TYMP: variants seen among roughly 807,000 people sequenced by gnomAD.
TYMP encodes thymidine phosphorylase.
A neutral mutation model predicts 42.3 loss-of-function variants in TYMP; 46 were observed. The ratio of observed to expected loss-of-function variants is 1.09; its 90% CI spans 0.86 to 1.39. TYMP has a LOEUF of 1.39. Ranked by LOEUF, TYMP falls within the 40% of genes most tolerant of loss-of-function variation. TYMP has a pLI of 0.00. For missense variants in TYMP, 837 were observed against 677.6 expected, an observed-to-expected ratio of 1.24 and a Z score of -2.61; for synonymous variants, 363 against 308.0, an observed-to-expected ratio of 1.18 and a Z score of -1.87.
chr22:50,527,844 C>T (rs2069453114), intron 4 of TYMP, 127 bp from the exon 5 acceptor site: 5 of 1,276,438 alleles, frequency 3.9e-6, no homozygotes, highest in African/African-American at 1.6e-5. Flanking sequence ...GGCACAATTT[C>T]GGCTCATTGT....
Position 50,527,294 on chromosome 22 carries a change from G to A in TYMP, c.647-11C>T. The A allele has an allele frequency of 6.2e-7, 1 of 1,601,130 alleles. No homozygotes were observed. On this transcript the variant is annotated splice_polypyrimidine_tract_variant and intron_variant, in intron 5 of 9. Transcript: ENST00000252029. ...TACTGAGAATGGAGGCTTTGGGGGAGGCAGAGGAGGTTGGAGACAATGGAG... is the reference window on the plus strand; with the variant it reads ...TACTGAGAATGGAGGCTTTGGGGGAAGCAGAGGAGGTTGGAGACAATGGAG...
rs1291691782 is a variant in TYMP at position 50,526,083 on chromosome 22, G to A, written c.1218C>T (p.Ala406=). ...GCGGCTCCCCAGCGCGGCTGCGCCC[G>A]GCCCCGAGCTCGTGCAGCACCAGCG... ...PLALVLHELG[A]GRSRAGEPLR... Residue 406 remains alanine, a synonymous_variant, in exon 9 of 10, where the codon GCC becomes GCT. Coordinates refer to ENST00000252029, the MANE Select transcript of TYMP (RefSeq NM_001953.5). 2.0e-6 allele frequency: 3 copies of A among 1,484,066 alleles called. No individual in the cohort carries two copies. The allele number at this position is 1,484,066 out of a possible 1,614,324, so 91.9% of individuals were successfully genotyped here.
In TYMP at chr22:50,529,297, C is replaced by G; in HGVS notation, c.256G>C (p.Glu86Gln). 1 of 1,613,420 alleles carries G rather than the reference C, an allele frequency of 6.2e-7. No homozygotes were observed. Among genetic ancestry groups the G allele is most frequent in the Non-Finnish European group, 8.5e-7 (1 of 1,180,012 alleles). ...GCCTGGGTCAGCACCGAGGTCTCCT[C>G]CAGATCCATGCCCCGAAGTCGGATG... ...MAIRLRGMDL[E>Q]ETSVLTQALA... Residue 86 changes from glutamate to glutamine, a missense_variant, in exon 3 of 10, where the codon GAG (glutamate) becomes CAG (glutamine). By Grantham distance (29) the Glu-to-Gln change is conservative. Transcript: ENST00000252029.
intron 4 of TYMP, 71 bp from the exon 5 acceptor site, chr22:50,527,788 T>TG: frequency 8.3e-7 from 1 of 1,208,268 alleles, no homozygotes; most frequent in Non-Finnish European, 1.2e-6. Flanking sequence ...TTTTTTTTTT[T>TG]TTTCTGTGAA....
In TYMP at chr22:50,529,126, G is replaced by A. The variant is rs974405863; in HGVS notation, c.417+10C>T. 3 of 1,612,754 alleles carry A rather than the reference G, an allele frequency of 1.9e-6. No individual in the cohort carries two copies. The highest frequency in any genetic ancestry group is 1.3e-5 in the African/African-American group (1 of 74,910). ...ATAGGCTCCCGTCTGGAAAGGAGGT[G>A]GTTTCTAACCTTGCAGCCACATGCC... On this transcript the variant is annotated intron_variant, in intron 3 of 9. Transcript: ENST00000252029.
At chr22:50,527,396 T>A (rs756772828) in intron 5 of TYMP, 113 bp from the exon 6 acceptor site, 8 of 1,245,530 alleles carry the variant, frequency 6.4e-6, no homozygotes, top group Non-Finnish European at 9.4e-6. Context: ...GTCAAGTCCC[T>A]TATTATGGGG....
At position 50,529,197 on chromosome 22, in the gene TYMP, C is replaced by A. The variant is rs866018044; in HGVS notation, c.356G>T (p.Gly119Val). 6.2e-7 allele frequency: 1 copy of A among 1,613,344 alleles called. No individual in the cohort carries two copies. Among genetic ancestry groups the A allele is most frequent in the East Asian group, 2.2e-5 (1 of 44,886 alleles). ...RQQLVDKHST[G>V]GVGDKVSLVL... ...CAGGCTGACCTTGTCACCCACACCCCCTGTGGAATGCTTGTCCACAAGCTG... is the reference window on the plus strand; with the variant it reads ...CAGGCTGACCTTGTCACCCACACCCACTGTGGAATGCTTGTCCACAAGCTG... The change falls in exon 3 of 10, where the codon GGG (glycine) becomes GTG (valine). Residue 119 changes from glycine to valine, a missense_variant. Transcript: ENST00000252029.
chr22:50,529,441 TCTCTCGGGCTGAC>T lies in TYMP; in HGVS notation c.214+42_214+54del, dbSNP rs1342816643. ...CCGTCGCACCCCCAGGGACCCAAAG[TCTCTCGGGCTGAC>T]CTCCCAGTCGGGGTCAGGAACGCCC... On this transcript the variant is annotated intron_variant, in intron 2 of 9. Transcript: ENST00000252029. 5.0e-6 allele frequency: 8 copies of T among 1,607,956 alleles called. No homozygotes were observed. The Admixed American group carries it at 1.0e-4, about 20-fold the overall frequency.
At chr22:50,528,834 G>A in intron 3 of TYMP, 1 of 621,222 alleles carries the variant, frequency 1.6e-6, no homozygotes, top group Admixed American at 2.5e-5. Context: ...TTGGGGCAGA[G>A]GGAGGAAAGT....
rs887174120 is a variant in TYMP, at chr22:50,529,928, G to T, written c.-35C>A. 5 of 595,690 alleles carry T rather than the reference G, an allele frequency of 8.4e-6. No homozygotes were observed. Among genetic ancestry groups the T allele is most frequent in the East Asian group, 2.8e-5 (1 of 35,488 alleles). 36.9% of individuals were successfully genotyped at this position (595,690 alleles called of 1,614,324 possible). A position where few individuals can be genotyped will look rare whatever the true frequency, so the allele number is the denominator to read the frequency against. ...CCTGCTTAGGGCGCTGCCCTCGCCC[G>T]CTTGCTCCGGATCCCAGCCCAGGTA... On this transcript the variant is annotated 5_prime_UTR_variant, in exon 1 of 10. Transcript: ENST00000252029.
rs2069369073 is a variant in TYMP at position 50,526,263 on chromosome 22, A to C, written c.1142T>G (p.Leu381Arg). The C allele has an allele frequency of 9.8e-6, 15 of 1,538,370 alleles. No homozygotes were observed. Among genetic ancestry groups the C allele is most frequent in the African/African-American group, 2.8e-5 (2 of 70,660 alleles). The change falls in exon 8 of 10, where the codon CTG becomes CGG. Residue 381 changes from leucine (L) to arginine (R), a missense_variant. Transcript: ENST00000252029. ...LLPRAREQEE[L>R]LAPADGTVEL... ...ACGCTCACCATCTGCGGGCGCCAGCAGCTCCTCCTGCTCCCGGGCGCGAGG... is the reference window on the plus strand; with the variant it reads ...ACGCTCACCATCTGCGGGCGCCAGCCGCTCCTCCTGCTCCCGGGCGCGAGG...
At position 50,529,738 on chromosome 22, in the gene TYMP, C is replaced by T. The variant is rs777674036; in HGVS notation, c.-10-19G>A. The T allele has an allele frequency of 1.3e-6, 2 of 1,586,958 alleles. No homozygotes were observed. The highest frequency in any genetic ancestry group is 1.7e-6 in the Non-Finnish European group (2 of 1,165,766). On this transcript the variant is annotated intron_variant, in intron 1 of 9. Coordinates refer to ENST00000252029, the MANE Select transcript of TYMP (RefSeq NM_001953.5). ...TCCGGGCCTGCGGGGATGCCTGACA[C>T]GTCCGGGGTCTGCGGCCTCCCGGCG...
Position 50,529,200 on chromosome 22 carries a change from G to A in TYMP, c.353C>T (p.Thr118Ile). The A allele has an allele frequency of 6.2e-7, 1 of 1,613,330 alleles. No individual in the cohort carries two copies. The highest frequency in any genetic ancestry group is 8.5e-7 in the Non-Finnish European group (1 of 1,180,014). Residue 118 changes from threonine to isoleucine, a missense_variant, in exon 3 of 10, where the codon ACA becomes ATA. Transcript: ENST00000252029. ...WRQQLVDKHS[T>I]GGVGDKVSLV... ...GCTGACCTTGTCACCCACACCCCCTGTGGAATGCTTGTCCACAAGCTGCTG... is the reference window on the plus strand; with the variant it reads ...GCTGACCTTGTCACCCACACCCCCTATGGAATGCTTGTCCACAAGCTGCTG...
chr22:50,529,363 G>A lies in TYMP; in HGVS notation c.215-25C>T, dbSNP rs982639696. On this transcript the variant is annotated intron_variant, in intron 2 of 9. Coordinates refer to ENST00000252029, the MANE Select transcript of TYMP (RefSeq NM_001953.5). ...CCTGGTATGTGGGGGTACGCGTGAG[G>A]GTGGCAGCCCACAGCGGTGGGGCAC... The A allele has an allele frequency of 2.5e-6, 4 of 1,611,942 alleles. No homozygotes were observed. The South Asian group carries it at 3.3e-5, about 13-fold the overall frequency.
Position 50,525,997 on chromosome 22 carries a change from T to C in TYMP, c.1300+4A>G, listed in dbSNP as rs1401543018. 2.1e-6 allele frequency: 3 copies of C among 1,418,018 alleles called. No individual in the cohort carries two copies. Among genetic ancestry groups the C allele is most frequent in the Non-Finnish European group, 2.7e-6 (3 of 1,091,424 alleles). The allele number at this position is 1,418,018 out of a possible 1,614,324, so 87.8% of individuals were successfully genotyped here. ...GGGGCCAGCAGGGCGGGGGCGGCGCTCACCACGGCGCAGCCTCTGACCCAC... is the reference window on the plus strand; with the variant it reads ...GGGGCCAGCAGGGCGGGGGCGGCGCCCACCACGGCGCAGCCTCTGACCCAC... On this transcript the variant is annotated splice_donor_region_variant and intron_variant, in intron 9 of 9. Coordinates refer to ENST00000252029, the MANE Select transcript of TYMP (RefSeq NM_001953.5).
chr22:50,529,532 C>A lies in TYMP; in HGVS notation c.178G>T (p.Ala60Ser), dbSNP rs1258773019. The A allele has an allele frequency of 3.7e-6, 6 of 1,613,052 alleles. No individual in the cohort carries two copies. Among genetic ancestry groups the A allele is most frequent in the South Asian group, 3.3e-5 (3 of 91,086 alleles). ...SEADIRGFVAAVVNGSAQGAQ... is the reference protein window; with the variant it reads ...SEADIRGFVASVVNGSAQGAQ... ...CCCTGCGCGCTCCCATTCACCACAGCGGCCACGAAGCCCCTGATGTCCGCT... is the reference window on the plus strand; with the variant it reads ...CCCTGCGCGCTCCCATTCACCACAGAGGCCACGAAGCCCCTGATGTCCGCT... The change falls in exon 2 of 10, where the codon GCT (alanine) becomes TCT (serine). Residue 60 changes from alanine to serine, a missense_variant. By Grantham distance (99) the Ala-to-Ser change is moderately conservative. Transcript: ENST00000252029.
rs755313525 is a variant in TYMP, at chr22:50,525,762, A to C, written c.*8T>G. 4 of 1,610,210 alleles carry C rather than the reference A, an allele frequency of 2.5e-6. No homozygotes were observed. Among genetic ancestry groups the C allele is most frequent in the Admixed American group, 1.7e-5 (1 of 59,824 alleles). ...CAAGCACTGACAAGGTTTCGCGGCAAAGGAGCTTTATTGCTGCGGCGGCAG... is the reference window on the plus strand; with the variant it reads ...CAAGCACTGACAAGGTTTCGCGGCACAGGAGCTTTATTGCTGCGGCGGCAG... On this transcript the variant is annotated 3_prime_UTR_variant, in exon 10 of 10. Coordinates refer to ENST00000252029, the MANE Select transcript of TYMP (RefSeq NM_001953.5).
intron 3 of TYMP, 26 bp downstream of exon 3, chr22:50,529,110 C>T (rs767526422): frequency 4.2e-5 from 68 of 1,611,754 alleles, no homozygotes; most frequent in Admixed American, 2.2e-4. Flanking sequence ...TATAGGCTCC[C>T]GTCTGGAAAG....
intron 6 of TYMP, 32 bp from the exon 7 acceptor site, chr22:50,526,770 A>G (rs535092545): frequency 1.3e-6 from 2 of 1,529,504 alleles, no homozygotes; most frequent in East Asian, 2.5e-5. Context: ...TGGACCCCCC[A>G]TGGCGGGGCC....
Sources: allele counts gnomAD v4.1 joint callset, GRCh38; gene constraint gnomAD v4.1.1; transcripts MANE v1.5; gene names NCBI Gene and HGNC (gene_info 2026-07-23, HGNC 2026-07-21).